DDX6: variants seen among roughly 807,000 people sequenced by gnomAD.
DDX6 encodes DEAD-box helicase 6, also known as probable ATP-dependent RNA helicase DDX6.
DDX6 carries 7 observed loss-of-function variants against 60.6 expected under a neutral mutation model. That is an observed-to-expected ratio of 0.12 (90% CI 0.07 to 0.22). The LOEUF (loss-of-function observed/expected upper bound fraction) is 0.22, where lower values mean the gene tolerates loss of function less well. Among genes scored for constraint, DDX6 ranks in the 10% least tolerant of loss-of-function variants. DDX6 has a pLI of 1.00. For synonymous variants in DDX6, 207 were observed against 201.0 expected (o/e 1.03, Z -0.25); for missense variants, 270 against 589.9 (o/e 0.46, Z 5.62).
chr11:118,776,691 G>T (rs1861709953), intron 4 of DDX6, among the ~76,000 whole-genome samples: 1 of 151,812 alleles, frequency 6.6e-6, no homozygotes, highest in Non-Finnish European at 1.5e-5. Context: ...AAATTAGCCG[G>T]GTGCTGTGGT....
intron 7 of DDX6, among the ~76,000 whole-genome samples, chr11:118,761,366 C>CA (rs1861159712): frequency 6.6e-6 from 1 of 152,222 alleles, no homozygotes; most frequent in South Asian, 2.1e-4. Context: ...CCTGTAATCC[C>CA]AGCACTCTGG....
rs367848342 is a variant in DDX6 at position 118,754,929 on chromosome 11, A to T, written c.1277-42T>A. Reference sequence around the variant, plus strand: ...TAAAAATTTTAATGAATAAAATATGAAAATCAATGTGAATTGTGCAAGTCA... The same window carrying T: ...TAAAAATTTTAATGAATAAAATATGTAAATCAATGTGAATTGTGCAAGTCA... On this transcript the variant is annotated intron_variant, in intron 12 of 13. Transcript: ENST00000534980. The T allele has an allele frequency of 5.9e-5, 90 of 1,522,842 alleles. No individual in the cohort carries two copies. In the African/African-American group the frequency reaches 1.2e-3, roughly 20 times the overall value. The allele number at this position is 1,522,842 out of a possible 1,614,324, so 94.3% of individuals were successfully genotyped here.
intron 4 of DDX6, among the ~76,000 whole-genome samples, chr11:118,776,993 C>T (rs1565574899): frequency 6.6e-6 from 1 of 151,936 alleles, no homozygotes; most frequent in East Asian, 1.9e-4. Context: ...GCCAAAAGCA[C>T]ACTCTCAACT....
chr11:118,778,100 G>A lies in DDX6; in HGVS notation c.369+1532C>T, dbSNP rs986504301. Among the ~76,000 whole-genome samples, 3 of 151,906 alleles carry A rather than the reference G, an allele frequency of 2.0e-5. No individual in the cohort carries two copies. The South Asian group carries it at 6.2e-4, about 32-fold the overall frequency. ...AACAGATATATATGGATGAGGGGAA[G>A]GGAAGTTTCTTCTTTATAGGGGCAA... is the stretch of plus-strand genomic sequence containing the variant. On this transcript the variant is annotated intron_variant, in intron 4 of 13. Coordinates refer to ENST00000534980, the MANE Select transcript of DDX6 (RefSeq NM_004397.6).
intron 4 of DDX6, among the ~76,000 whole-genome samples, chr11:118,773,158 G>C (rs1334524081): frequency 2.0e-5 from 3 of 152,134 alleles, no homozygotes; most frequent in African/African-American, 7.2e-5. Context: ...TCCTAGCATT[G>C]AGAGGCATTT....
At position 118,786,244 on chromosome 11, in the gene DDX6, G is replaced by A. The variant is rs773664244; in HGVS notation, c.8C>T (p.Thr3Met). Residue 3 changes from threonine to methionine, a missense_variant, in exon 2 of 14, where the codon ACG becomes ATG. This residue lies in a region of DDX6 where 102 missense variants were observed against 110.5 expected (regional missense o/e 0.92). Coordinates refer to ENST00000534980, the MANE Select transcript of DDX6 (RefSeq NM_004397.6). MS[T>M]ARTENPVIMG... The stretch of plus-strand genomic sequence containing the variant: ...TATAACAGGGTTCTCTGTTCTGGCC[G>A]TGCTCATGCTGTTTTAATTGCAAAG... The A allele has an allele frequency of 5.0e-6, 8 of 1,599,606 alleles. No homozygotes were observed. Among genetic ancestry groups the A allele is most frequent in the Non-Finnish European group, 6.0e-6 (7 of 1,173,080 alleles).
Position 118,757,162 on chromosome 11 carries a change from T to A in DDX6, c.1110+9A>T. 2 of 1,412,804 alleles carry A rather than the reference T, an allele frequency of 1.4e-6. No individual in the cohort carries two copies. The highest frequency in any genetic ancestry group is 1.4e-5 in the South Asian group (1 of 72,480). 87.5% of individuals were successfully genotyped at this position (1,412,804 alleles called of 1,614,324 possible). ...ATTAAATTTGTGCAAGTTCTAGTTT[T>A]ATACTCACCTGCCTCATTTTAGCAT... is the stretch of plus-strand genomic sequence containing the variant. On this transcript the variant is annotated intron_variant, in intron 10 of 13. Coordinates refer to ENST00000534980, the MANE Select transcript of DDX6 (RefSeq NM_004397.6).
intron 4 of DDX6, among the ~76,000 whole-genome samples, chr11:118,772,202 A>C (rs1861557448): frequency 6.6e-6 from 1 of 152,154 alleles, no homozygotes; most frequent in Non-Finnish European, 1.5e-5. Flanking sequence ...TACTTCTCAG[A>C]TTTTCACAAA....
chr11:118,774,894 G>A (rs1310075013), intron 4 of DDX6, among the ~76,000 whole-genome samples: 3 of 152,156 alleles, frequency 2.0e-5, no homozygotes, highest in Non-Finnish European at 2.9e-5. Context: ...TAGGAATGGG[G>A]GAGGGATGAC....
chr11:118,778,497 T>C (rs1176850182), intron 4 of DDX6, among the ~76,000 whole-genome samples: 1 of 152,202 alleles, frequency 6.6e-6, no homozygotes, highest in Non-Finnish European at 1.5e-5. Context: ...AACAATACGC[T>C]AAGAGAACTG....
At chr11:118,770,448 C>CTT (rs1555162284) in intron 4 of DDX6, among the ~76,000 whole-genome samples, 2 of 152,180 alleles carry the variant, frequency 1.3e-5, no homozygotes, top group Admixed American at 6.5e-5. Flanking sequence ...AGCTTTAGCC[C>CTT]TTTAAAGCTG....
intron 13 of DDX6, among the ~76,000 whole-genome samples, chr11:118,752,548 G>C (rs782133534): frequency 6.6e-6 from 1 of 152,060 alleles, no homozygotes; most frequent in Non-Finnish European, 1.5e-5. Context: ...TGAGGTGGGC[G>C]GATCACCTGA....
At chr11:118,787,339 G>C (rs941650629) in intron 1 of DDX6, 1 of 152,276 alleles carries the variant, frequency 6.6e-6, no homozygotes, top group African/African-American at 2.4e-5. Flanking sequence ...GCGTGGTGGC[G>C]AGCGCCTGTA....
intron 7 of DDX6, among the ~76,000 whole-genome samples, 166 bp downstream of exon 7, chr11:118,763,046 C>T (rs1413550893): frequency 3.9e-5 from 6 of 152,210 alleles, no homozygotes; most frequent in African/African-American, 1.4e-4. Flanking sequence ...CTATAATCTA[C>T]TCCCTCTGAC....
intron 4 of DDX6, among the ~76,000 whole-genome samples, chr11:118,772,333 T>C (rs1299727567): frequency 1.3e-5 from 2 of 152,176 alleles, no homozygotes; most frequent in African/African-American, 4.8e-5. Flanking sequence ...AGGAATGGAA[T>C]ATTGATACAA....
At chr11:118,787,771 GGAT>G (rs1472819075) in intron 1 of DDX6, 3 of 152,026 alleles carry the variant, frequency 2.0e-5, no homozygotes, top group Admixed American at 6.6e-5. Context: ...TCCCAAGGAC[GGAT>G]GATATACACA....
intron 2 of DDX6, among the ~76,000 whole-genome samples, chr11:118,782,606 T>A (rs1861935933): frequency 6.6e-6 from 1 of 151,606 alleles, no homozygotes; most frequent in Non-Finnish European, 1.5e-5. Flanking sequence ...CATTGGTAAC[T>A]TTTTGCTACC....
chr11:118,752,423 T>C (rs1464333271), intron 13 of DDX6, among the ~76,000 whole-genome samples: 2 of 152,158 alleles, frequency 1.3e-5, no homozygotes, highest in African/African-American at 4.8e-5. Flanking sequence ...TCCAAGAGTT[T>C]GTGTTTGATG....
chr11:118,776,522 A>T (rs1861703994), intron 4 of DDX6, among the ~76,000 whole-genome samples: 1 of 152,142 alleles, frequency 6.6e-6, no homozygotes, highest in African/African-American at 2.4e-5. Context: ...TGCAGTTCCT[A>T]CTGTAAAGGA....
Sources: gnomAD v4.1 joint callset for allele counts (sites outside exome capture counted in the v4.1 genomes callset) on GRCh38, gnomAD v4.1.1 for gene constraint, gnomAD v4.1.1 regional missense constraint, MANE v1.5 for transcripts, NCBI Gene and HGNC (gene_info 2026-07-23, HGNC 2026-07-21) for gene names.